The following ROCK2 variants were observed in gnomAD, a reference collection of about 807,000 sequenced individuals.
ROCK2 encodes the protein Rho associated coiled-coil containing protein kinase 2, also known as rho-associated protein kinase 2.
In ROCK2, 61 loss-of-function variants were observed where a neutral mutation model predicts 195.1. That is an observed-to-expected ratio of 0.31 (90% CI 0.25 to 0.39). ROCK2 has a LOEUF of 0.39. Among genes scored for constraint, ROCK2 ranks in the 10% least tolerant of loss-of-function variants. The probability of loss-of-function intolerance (pLI) is 1.00; values close to 1 mark genes in which losing one functional copy is unlikely to be tolerated. For synonymous variants in ROCK2, 504 were observed against 545.5 expected (o/e 0.92, Z 1.06); for missense variants, 1,109 against 1,637.4 (o/e 0.68, Z 5.57).
intron 1 of ROCK2, among the ~76,000 whole-genome samples, chr2:11,303,336 T>G (rs933164097): frequency 6.6e-6 from 1 of 152,210 alleles, no homozygotes; most frequent in African/African-American, 2.4e-5. Context: ...CTTCAAATCT[T>G]GCTTCTTACC....
intron 1 of ROCK2, among the ~76,000 whole-genome samples, chr2:11,332,201 C>T (rs1234999892): frequency 1.3e-5 from 2 of 151,892 alleles, no homozygotes; most frequent in East Asian, 1.9e-4. Flanking sequence ...ATCAGCAAGA[C>T]TCATTCATTC....
intron 32 of ROCK2, among the ~76,000 whole-genome samples, chr2:11,188,896 T>G (rs1294760886): frequency 6.6e-6 from 1 of 151,990 alleles, no homozygotes; most frequent in Non-Finnish European, 1.5e-5. Context: ...AGTGCTAATT[T>G]TGTAGGGTGC....
intron 3 of ROCK2, among the ~76,000 whole-genome samples, chr2:11,283,885 T>C (rs762044548): frequency 3.3e-5 from 5 of 152,226 alleles, no homozygotes; most frequent in Admixed American, 6.5e-5. Flanking sequence ...TCTTATCCTA[T>C]GATCCAGCAA....
chr2:11,297,923 G>T (rs906577137), intron 1 of ROCK2, among the ~76,000 whole-genome samples: 3 of 152,058 alleles, frequency 2.0e-5, no homozygotes, highest in Non-Finnish European at 4.4e-5. Context: ...CCCTAAAACT[G>T]TTAAAAACTT....
rs533354761 is a variant in ROCK2 at position 11,242,817 on chromosome 2, CCACCCTGCA to C, written c.462+6835_462+6843del. 1.0e-3 allele frequency among the ~76,000 whole-genome samples: 157 copies of C among 152,216 alleles called. 3 individuals are homozygous for C. Among genetic ancestry groups the C allele is most frequent in the South Asian group, 8.1e-3 (39 of 4,826 alleles). ...TCACTGCGCCTGCACACCTTGTGCT[CCACCCTGCA>C]CATGTAATGACATTCAAGTATCTCA... On this transcript the variant is annotated intron_variant, in intron 4 of 32. Transcript: ENST00000315872.
In ROCK2 at chr2:11,286,612, CCT is replaced by C. The variant is rs1158865633; in HGVS notation, c.249_250del (p.Gly84SerfsTer9). ...ATAGTCTTCTGCCTTCATCTGTAGACCTCTGATTTTTTTCACAATTTTCTCAT... is the reference window on the plus strand; with the variant it reads ...ATAGTCTTCTGCCTTCATCTGTAGACCTGATTTTTTTCACAATTTTCTCAT... On this transcript the variant is annotated frameshift_variant, in exon 3 of 33. Coordinates refer to ENST00000315872, the MANE Select transcript of ROCK2 (RefSeq NM_004850.5). LOFTEE classifies it high-confidence loss of function. 6.2e-7 allele frequency: 1 copy of C among 1,607,678 alleles called. No homozygotes were observed. The highest frequency in any genetic ancestry group is 8.5e-7 in the Non-Finnish European group (1 of 1,175,848).
chr2:11,249,270 C>T (rs1001478789), intron 4 of ROCK2, among the ~76,000 whole-genome samples: 1 of 152,192 alleles, frequency 6.6e-6, no homozygotes, highest in Non-Finnish European at 1.5e-5. Flanking sequence ...AGGTCTGTTA[C>T]ATATGTACAC....
chr2:11,288,999 T>C (rs1261049605), intron 1 of ROCK2, among the ~76,000 whole-genome samples: 1 of 152,200 alleles, frequency 6.6e-6, no homozygotes. Flanking sequence ...GTTCATATTT[T>C]TAATTTTCAT....
chr2:11,180,501 TA>T lies in ROCK2; in HGVS notation c.*2935del, dbSNP rs1229630265. On this transcript the variant is annotated 3_prime_UTR_variant, in exon 33 of 33. Transcript: ENST00000315872. ...CTTGTTTCTAGAGAACATGGTTTTT[TA>T]AAATTAATACTTTAAAAACATTCAC... The T allele has an allele frequency of 3.9e-5, 6 of 152,240 alleles. No homozygotes were observed. The highest frequency in any genetic ancestry group is 7.3e-5 in the Non-Finnish European group (5 of 68,044). 9.4% of individuals were successfully genotyped at this position (152,240 alleles called of 1,614,324 possible).
chr2:11,208,415 A>T lies in ROCK2; in HGVS notation c.2236T>A (p.Leu746Ile). ...AATAGGTTCTCCACTTTCTGTTTTA[A>T]AGTTCTTTCCTCCAAGAGCTTCTTC... Reference protein sequence around the residue: ...MEKKLLEERTLKQKVENLLLE... With the variant: ...MEKKLLEERTIKQKVENLLLE... Residue 746 changes from leucine (L) to isoleucine (I), a missense_variant, in exon 19 of 33, where the codon TTA becomes ATA. Leu to Ile is a conservative substitution (Grantham distance 5). Coordinates refer to ENST00000315872, the MANE Select transcript of ROCK2 (RefSeq NM_004850.5). The T allele has an allele frequency of 6.5e-7, 1 of 1,533,374 alleles. No individual in the cohort carries two copies. 95.0% of individuals were successfully genotyped at this position (1,533,374 alleles called of 1,614,324 possible).
At chr2:11,295,634 A>G (rs887791702) in intron 1 of ROCK2, among the ~76,000 whole-genome samples, 3 of 152,180 alleles carry the variant, frequency 2.0e-5, no homozygotes, top group Non-Finnish European at 4.4e-5. Flanking sequence ...ATAGTGCTCC[A>G]TTACAGATAC....
chr2:11,314,090 T>C (rs1668118430), intron 1 of ROCK2, among the ~76,000 whole-genome samples: 1 of 151,888 alleles, frequency 6.6e-6, no homozygotes, highest in African/African-American at 2.4e-5. Context: ...CAATGGAATA[T>C]TAAAAGCTAT....
At chr2:11,270,565 C>T (rs1362790363) in intron 3 of ROCK2, among the ~76,000 whole-genome samples, 1 of 152,054 alleles carries the variant, frequency 6.6e-6, no homozygotes, top group East Asian at 1.9e-4. Flanking sequence ...TACATGCTTT[C>T]AGTTTTGGGT....
chr2:11,299,798 GTTC>G (rs1379808502), intron 1 of ROCK2, among the ~76,000 whole-genome samples: 4 of 152,162 alleles, frequency 2.6e-5, no homozygotes, highest in African/African-American at 9.7e-5. Flanking sequence ...AAGTAAAAAT[GTTC>G]TTCTCAACAG....
chr2:11,213,373 T>A (rs1231215135), intron 17 of ROCK2, among the ~76,000 whole-genome samples: 1 of 152,090 alleles, frequency 6.6e-6, no homozygotes, highest in Non-Finnish European at 1.5e-5. Context: ...ATCTACCTCA[T>A]GCCGAGCTCT....
chr2:11,285,885 G>A (rs1034781992), intron 3 of ROCK2, among the ~76,000 whole-genome samples: 10 of 151,952 alleles, frequency 6.6e-5, no homozygotes, highest in African/African-American at 1.7e-4. Context: ...GGAAAAAAAA[G>A]TCTATCATGA....
At position 11,179,926 on chromosome 2, in the gene ROCK2, T is replaced by C. The variant is rs1375903313; in HGVS notation, c.*3511A>G. 6.6e-6 allele frequency: 1 copy of C among 152,178 alleles called. No homozygotes were observed. The highest frequency in any genetic ancestry group is 1.5e-5 in the Non-Finnish European group (1 of 68,036). 9.4% of individuals were successfully genotyped at this position (152,178 alleles called of 1,614,324 possible). A position where few individuals can be genotyped will look rare whatever the true frequency, so the allele number is the denominator to read the frequency against. On this transcript the variant is annotated 3_prime_UTR_variant, in exon 33 of 33. Coordinates refer to ENST00000315872, the MANE Select transcript of ROCK2 (RefSeq NM_004850.5). ...CAAATATTTATAATTTTCTAAACCA[T>C]GCAGTTCATTACTTATTACAATTCC...
Position 11,201,450 on chromosome 2 carries a change from T to G in ROCK2, c.2620-37A>C. ...AATACAACAGAAATGCGTATCATCA[T>G]CAGAAATATTACTTCTACATTCAAA... On this transcript the variant is annotated intron_variant, in intron 21 of 32. Transcript: ENST00000315872. This position sits in a 1 kb window ranked among gnomAD's most constrained non-coding sequence, Gnocchi z 4.6. 9.4e-7 allele frequency: 1 copy of G among 1,063,030 alleles called. No homozygotes were observed. The highest frequency in any genetic ancestry group is 1.5e-6 in the Non-Finnish European group (1 of 685,474). The allele number at this position is 1,063,030 out of a possible 1,614,324, so 65.8% of individuals were successfully genotyped here.
At chr2:11,210,438 T>C (rs1027496903) in intron 18 of ROCK2, among the ~76,000 whole-genome samples, 17 of 152,140 alleles carry the variant, frequency 1.1e-4, no homozygotes, top group African/African-American at 2.4e-4. Context: ...TCCTGCATCA[T>C]TGCAGGAATA....
Sources: gnomAD v4.1 joint callset for allele counts (sites outside exome capture counted in the v4.1 genomes callset) on GRCh38, gnomAD v4.1.1 for gene constraint, Gnocchi (gnomAD v3.1) non-coding constraint, MANE v1.5 for transcripts, NCBI Gene and HGNC (gene_info 2026-07-23, HGNC 2026-07-21) for gene names.